The following HS3ST3B1 variants were observed in gnomAD, a reference collection of about 807,000 sequenced individuals.
The protein encoded by HS3ST3B1 is heparan sulfate-glucosamine 3-sulfotransferase 3B1.
In HS3ST3B1, 13 loss-of-function variants were observed where a neutral mutation model predicts 21.3. The observed-to-expected ratio is 0.61, with a 90% CI of 0.40 to 0.97. The LOEUF (loss-of-function observed/expected upper bound fraction) is 0.97. Among genes scored for constraint, HS3ST3B1 ranks in the 50% least tolerant of loss-of-function variants. The pLI, the probability that HS3ST3B1 is intolerant of heterozygous loss-of-function variation, is 0.00. For missense variants in HS3ST3B1, 459 were observed against 554.8 expected (o/e 0.83, Z 1.73); for synonymous variants, 234 against 254.8 (o/e 0.92, Z 0.78).
Position 14,301,960 on chromosome 17 carries a change from G to A in HS3ST3B1, c.442G>A (p.Gly148Ser), listed in dbSNP as rs747974358. Residue 148 changes from glycine to serine, a missense_variant, in exon 1 of 2, where the codon GGC becomes AGC. This residue lies in a region of HS3ST3B1 where 317 missense variants were observed against 278.6 expected (regional missense o/e 1.14). Coordinates refer to ENST00000360954, the MANE Select transcript of HS3ST3B1 (RefSeq NM_006041.3). The stretch of plus-strand genomic sequence containing the variant: ...GGCCATCATCATCGGCGTGAAGAAG[G>A]GCGGCACGCGGGCGCTGCTGGAGTT... ...PQAIIIGVKK[G>S]GTRALLEFLR... The A allele has an allele frequency of 1.2e-6, 2 of 1,609,190 alleles. No individual in the cohort carries two copies. The highest frequency in any genetic ancestry group is 1.7e-6 in the Non-Finnish European group (2 of 1,178,452).
chr17:14,334,478 G>A (rs919677172), intron 1 of HS3ST3B1, among the ~76,000 whole-genome samples: 1 of 152,054 alleles, frequency 6.6e-6, no homozygotes, highest in African/African-American at 2.4e-5. Context: ...CAGGGCCTCT[G>A]AGGAACTGAG....
intron 1 of HS3ST3B1, among the ~76,000 whole-genome samples, chr17:14,326,049 G>A (rs1213452011): frequency 1.3e-5 from 2 of 152,136 alleles, no homozygotes; most frequent in African/African-American, 2.4e-5. Flanking sequence ...GCACGTGTGT[G>A]CGTGTGTGTG....
intron 1 of HS3ST3B1, among the ~76,000 whole-genome samples, chr17:14,312,816 G>A (rs541987629): frequency 1.3e-5 from 2 of 151,724 alleles, no homozygotes; most frequent in East Asian, 3.9e-4. Flanking sequence ...CATTGCTTCT[G>A]AGCTGTATTG....
chr17:14,345,769 T>A lies in HS3ST3B1; in HGVS notation c.*123T>A. The A allele has an allele frequency of 8.2e-7, 1 of 1,225,430 alleles. No homozygotes were observed. The highest frequency in any genetic ancestry group is 1.1e-6 in the Non-Finnish European group (1 of 902,022). The allele number at this position is 1,225,430 out of a possible 1,614,324, so 75.9% of individuals were successfully genotyped here. A position where few individuals can be genotyped will look rare whatever the true frequency, so the allele number is the denominator to read the frequency against. ...TTTAATTCATAAGCAATTAATTCAC[T>A]AAGCTGCCTAGCCACACTCTTTAGA... On this transcript the variant is annotated 3_prime_UTR_variant, in exon 2 of 2. Coordinates refer to ENST00000360954, the MANE Select transcript of HS3ST3B1 (RefSeq NM_006041.3).
intron 1 of HS3ST3B1, among the ~76,000 whole-genome samples, chr17:14,341,067 AGCAG>A (rs1910364578): frequency 6.6e-6 from 1 of 152,210 alleles, no homozygotes; most frequent in African/African-American, 2.4e-5. Context: ...TTGTGGGACC[AGCAG>A]GCGGTCGAGC....
intron 1 of HS3ST3B1, among the ~76,000 whole-genome samples, chr17:14,336,573 C>T (rs759098258): frequency 2.0e-5 from 3 of 152,118 alleles, no homozygotes; most frequent in Non-Finnish European, 4.4e-5. Flanking sequence ...GCCCTGGGAC[C>T]GCCATTCCCC....
At chr17:14,308,196 T>C (rs1174614602) in intron 1 of HS3ST3B1, among the ~76,000 whole-genome samples, 1 of 152,244 alleles carries the variant, frequency 6.6e-6, no homozygotes, top group Non-Finnish European at 1.5e-5. Context: ...TTCTGATTTT[T>C]CTTGTCAAGA....
rs921086996 is a variant in HS3ST3B1 at position 14,301,348 on chromosome 17, G to A, written c.-171G>A. 2 of 541,594 alleles carry A rather than the reference G, an allele frequency of 3.7e-6. No individual in the cohort carries two copies. Among genetic ancestry groups the A allele is most frequent in the South Asian group, 3.8e-5 (1 of 26,484 alleles). The allele number at this position is 541,594 out of a possible 1,614,324, so 33.5% of individuals were successfully genotyped here. ...AAGAGCCGCCGCCGCTACAGCTGCC[G>A]CCGCCACCTGGGGAAGAGCAGCAGC... is the stretch of plus-strand genomic sequence containing the variant. On this transcript the variant is annotated 5_prime_UTR_variant, in exon 1 of 2. Coordinates refer to ENST00000360954, the MANE Select transcript of HS3ST3B1 (RefSeq NM_006041.3).
intron 1 of HS3ST3B1, among the ~76,000 whole-genome samples, chr17:14,337,853 C>G (rs1478272625): frequency 6.6e-6 from 1 of 151,746 alleles, no homozygotes; most frequent in Non-Finnish European, 1.5e-5. Context: ...AGGTGGACCT[C>G]TATACCCACA....
chr17:14,330,051 C>T (rs904111626), intron 1 of HS3ST3B1, among the ~76,000 whole-genome samples: 1 of 152,192 alleles, frequency 6.6e-6, no homozygotes, highest in African/African-American at 2.4e-5. Context: ...GGCACAGAGA[C>T]GTTGTGCACT....
Position 14,348,142 on chromosome 17 carries a change from CCATAGGAAAACA to C in HS3ST3B1, c.*2499_*2510del, listed in dbSNP as rs1010414312. ...GTTCAGAGAAGAGTATGCAACAAAGCCATAGGAAAACACACAGGAGCTTTTCCCTCCCCTTCA... is the reference window on the plus strand; with the variant it reads ...GTTCAGAGAAGAGTATGCAACAAAGCCACAGGAGCTTTTCCCTCCCCTTCA... On this transcript the variant is annotated 3_prime_UTR_variant, in exon 2 of 2. Coordinates refer to ENST00000360954, the MANE Select transcript of HS3ST3B1 (RefSeq NM_006041.3). 4 of 152,138 alleles carry C rather than the reference CCATAGGAAAACA, an allele frequency of 2.6e-5. No homozygotes were observed. The highest frequency in any genetic ancestry group is 6.5e-5 in the Admixed American group (1 of 15,278). The allele number at this position is 152,138 out of a possible 1,614,324, so 9.4% of individuals were successfully genotyped here.
intron 1 of HS3ST3B1, chr17:14,329,355 AAG>A (rs1909916620): frequency 8.9e-6 from 1 of 112,306 alleles, no homozygotes; most frequent in African/African-American, 3.5e-5. Context: ...GAAAGAAAGA[AAG>A]AAAGAAAGAA....
intron 1 of HS3ST3B1, among the ~76,000 whole-genome samples, chr17:14,343,058 A>G (rs1597604392): frequency 6.6e-6 from 1 of 152,134 alleles, no homozygotes; most frequent in African/African-American, 2.4e-5. Flanking sequence ...CCTGGCCAAC[A>G]TGGTGAAACC....
intron 1 of HS3ST3B1, among the ~76,000 whole-genome samples, chr17:14,323,852 T>C (rs1909729050): frequency 6.6e-6 from 1 of 152,220 alleles, no homozygotes; most frequent in South Asian, 2.1e-4. Context: ...GCTCAGCTCT[T>C]GTTCTCTCCT....
intron 1 of HS3ST3B1, among the ~76,000 whole-genome samples, chr17:14,343,897 C>CT (rs55786183): frequency 0.76 from 109,792 of 144,482 alleles, 42,122 homozygotes; most frequent in East Asian, 0.99. Context: ...TAATTTCTTT[C>CT]TTTTTTTTTT....
chr17:14,318,643 G>C (rs549076903), intron 1 of HS3ST3B1, among the ~76,000 whole-genome samples: 1 of 152,318 alleles, frequency 6.6e-6, no homozygotes, highest in East Asian at 1.9e-4. Context: ...ACAGAGAAGA[G>C]AGGCTGAGAG....
At chr17:14,345,004 G>T (rs771505496) in intron 1 of HS3ST3B1, 24 bp from the exon 2 acceptor site, 4 of 1,603,464 alleles carry the variant, frequency 2.5e-6, no homozygotes, top group African/African-American at 2.7e-5. Context: ...TTCTGATCCC[G>T]GTTTGTTTGC....
Position 14,331,325 on chromosome 17 carries a change from C to A in HS3ST3B1, c.555-13703C>A, listed in dbSNP as rs540083176. 5.3e-5 allele frequency among the ~76,000 whole-genome samples: 8 copies of A among 151,242 alleles called. No individual in the cohort carries two copies. The South Asian group carries it at 1.7e-3, about 32-fold the overall frequency. ...CCCCACCCCCAGCCCCTTCCAGGAA[C>A]AGGAACAGGTGGCCATTGTGAAGCG... On this transcript the variant is annotated intron_variant, in intron 1 of 1. Coordinates refer to ENST00000360954, the MANE Select transcript of HS3ST3B1 (RefSeq NM_006041.3).
At chr17:14,327,261 G>A (rs1017833757) in intron 1 of HS3ST3B1, 17 of 152,184 alleles carry the variant, frequency 1.1e-4, no homozygotes, top group Non-Finnish European at 1.9e-4. Context: ...TAATAATTAA[G>A]GCAAAATAAT....
Sources: allele counts gnomAD v4.1 joint callset (sites outside exome capture counted in the v4.1 genomes callset), GRCh38; gene constraint gnomAD v4.1.1; regional missense constraint gnomAD v4.1.1; transcripts MANE v1.5; gene names NCBI Gene and HGNC (gene_info 2026-07-23, HGNC 2026-07-21).